The following LRPAP1 variants were observed in gnomAD, a reference collection of about 807,000 sequenced individuals.
The protein encoded by LRPAP1 is LDL receptor related protein associated protein 1.
Under a neutral mutation model 39.9 loss-of-function variants are expected in LRPAP1, and 41 were observed. That is an observed-to-expected ratio of 1.03 (90% CI 0.80 to 1.33). LRPAP1 has a LOEUF of 1.33. Ranked by LOEUF, LRPAP1 falls within the 40% of genes most tolerant of loss-of-function variation. The probability of loss-of-function intolerance (pLI) is 0.00; values close to 1 mark genes in which losing one functional copy is unlikely to be tolerated. For missense variants in LRPAP1, 565 were observed against 482.3 expected (o/e 1.17, Z -1.61); for synonymous variants, 263 against 212.7 (o/e 1.24, Z -2.06).
chr4:3,524,842 A>G (rs1730028950), intron 2 of LRPAP1, 65 bp downstream of exon 2: 55 of 1,566,036 alleles, frequency 3.5e-5, no homozygotes, highest in Non-Finnish European at 4.5e-5. Context: ...CATCCAAAAC[A>G]CTGCCGCTCT....
chr4:3,523,907 G>C (rs948651290), intron 2 of LRPAP1, among the ~76,000 whole-genome samples: 4 of 152,090 alleles, frequency 2.6e-5, no homozygotes, highest in Non-Finnish European at 4.4e-5. Flanking sequence ...TGTGAGACAG[G>C]AGGAGGAAAC....
chr4:3,530,582 G>A (rs878943972), intron 1 of LRPAP1, among the ~76,000 whole-genome samples: 1 of 152,238 alleles, frequency 6.6e-6, no homozygotes, highest in East Asian at 1.9e-4. Context: ...ATGGTGCCCA[G>A]TGAACCTCAG....
In LRPAP1 at chr4:3,518,115, G is replaced by C; in HGVS notation, c.670C>G (p.Leu224Val). The change falls in exon 5 of 8, where the codon CTG becomes GTG. Residue 224 changes from leucine to valine, a missense_variant. Leu to Val is a conservative substitution (Grantham distance 32, BLOSUM62 1). Coordinates refer to ENST00000650182, the MANE Select transcript of LRPAP1 (RefSeq NM_002337.4). Reference protein sequence around the residue: ...GSVLHSRHTELKEKLRSINQG... With the variant: ...GSVLHSRHTEVKEKLRSINQG... ...TTGATGCTGCGCAGCTTCTCCTTCA[G>C]CTCCGTGTGCCTGCTGTGCAGGACG... The C allele has an allele frequency of 6.2e-7, 1 of 1,613,592 alleles. No individual in the cohort carries two copies. The highest frequency in any genetic ancestry group is 8.5e-7 in the Non-Finnish European group (1 of 1,179,990).
chr4:3,513,669 G>A (rs927687204), intron 7 of LRPAP1, among the ~76,000 whole-genome samples: 11 of 152,128 alleles, frequency 7.2e-5, no homozygotes, highest in Non-Finnish European at 1.6e-4. Context: ...TGGGAAAGGC[G>A]CCTTCCTCCT....
chr4:3,514,557 C>T (rs554756274), intron 7 of LRPAP1, among the ~76,000 whole-genome samples, 195 bp downstream of exon 7: 4 of 152,366 alleles, frequency 2.6e-5, no homozygotes, highest in Non-Finnish European at 4.4e-5. Flanking sequence ...ACTACAAGCC[C>T]GGGGGGCTCC....
rs747560141 is a variant in LRPAP1 at position 3,514,792 on chromosome 4, T to G, written c.971A>C (p.His324Pro). 6.2e-7 allele frequency: 1 copy of G among 1,612,848 alleles called. No individual in the cohort carries two copies. Among genetic ancestry groups the G allele is most frequent in the Non-Finnish European group, 8.5e-7 (1 of 1,179,744 alleles). Residue 324 changes from histidine to proline, a missense_variant, in exon 7 of 8, where the codon CAC becomes CCC. His to Pro is a moderately conservative substitution (Grantham distance 77). Transcript: ENST00000650182. ...CTTGGTCCGCCCCTCCAGCAGGGCGTGCTTCTCGCGGCTGCGGCTCACACG... is the reference window on the plus strand; with the variant it reads ...CTTGGTCCGCCCCTCCAGCAGGGCGGGCTTCTCGCGGCTGCGGCTCACACG... ...GERVSRSREKHALLEGRTKEL... is the reference protein window; with the variant it reads ...GERVSRSREKPALLEGRTKEL...
Position 3,518,905 on chromosome 4 carries a change from G to A in LRPAP1, c.558C>T (p.Tyr186=). ...TGCTCAGGGTCTCCAGCAGGACGTTGTACTCGTGAACTTTCTCTTTGTGAT... is the reference window on the plus strand; with the variant it reads ...TGCTCAGGGTCTCCAGCAGGACGTTATACTCGTGAACTTTCTCTTTGTGAT... ...FLHHKEKVHE[Y]NVLLETLSRT... Residue 186 remains tyrosine (Y), a synonymous_variant, in exon 4 of 8, where the codon TAC becomes TAT. Coordinates refer to ENST00000650182, the MANE Select transcript of LRPAP1 (RefSeq NM_002337.4). 1 of 1,613,452 alleles carries A rather than the reference G, an allele frequency of 6.2e-7. No homozygotes were observed. Among genetic ancestry groups the A allele is most frequent in the Non-Finnish European group, 8.5e-7 (1 of 1,179,884 alleles).
intron 1 of LRPAP1, among the ~76,000 whole-genome samples, chr4:3,526,984 C>T (rs1020758455): frequency 6.6e-6 from 1 of 152,186 alleles, no homozygotes; most frequent in African/African-American, 2.4e-5. Context: ...AGATAGCAAA[C>T]GGTAGGCACA....
chr4:3,526,666 C>T (rs894919931), intron 1 of LRPAP1, among the ~76,000 whole-genome samples: 4 of 152,212 alleles, frequency 2.6e-5, no homozygotes, highest in South Asian at 2.1e-4. Context: ...AAGACTCGCA[C>T]GAAGCCAATT....
At chr4:3,514,993 G>A (rs1192297933) in intron 6 of LRPAP1, 65 bp from the exon 7 acceptor site, 36 of 1,566,420 alleles carry the variant, frequency 2.3e-5, no homozygotes, top group Admixed American at 6.8e-5. Flanking sequence ...TTGTGGTCCC[G>A]GGTGAACTGC....
intron 5 of LRPAP1, among the ~76,000 whole-genome samples, chr4:3,517,307 T>C (rs1453533174): frequency 6.6e-6 from 1 of 152,260 alleles, no homozygotes; most frequent in Non-Finnish European, 1.5e-5. Context: ...AGGCGGTGGC[T>C]CTGCCTGGCA....
chr4:3,521,299 C>T (rs987174876), intron 2 of LRPAP1, among the ~76,000 whole-genome samples: 1 of 152,184 alleles, frequency 6.6e-6, no homozygotes, highest in East Asian at 1.9e-4. Context: ...GGGCTCGGAG[C>T]CTCCCTTCGC....
chr4:3,522,666 C>T (rs1729951606), intron 2 of LRPAP1, among the ~76,000 whole-genome samples: 1 of 101,928 alleles, frequency 9.8e-6, no homozygotes, highest in Non-Finnish European at 2.3e-5. Context: ...GGACGGACGC[C>T]GCCCCACACC....
rs773021095 is a variant in LRPAP1, at chr4:3,514,839, T to C, written c.924A>G (p.Ala308=). ...CACGCTCGCCGTCGCCCACGCTCTC[T>C]GCGTGCCTCAGCTTCTCGTGCGCAA... ...LEIAHEKLRH[A]ESVGDGERVS... is the part of the protein sequence containing the mutation. The change falls in exon 7 of 8, where the codon GCA becomes GCG. Residue 308 remains alanine (A), a synonymous_variant. Coordinates refer to ENST00000650182, the MANE Select transcript of LRPAP1 (RefSeq NM_002337.4). The C allele has an allele frequency of 8.7e-6, 14 of 1,613,746 alleles. No individual in the cohort carries two copies. The highest frequency in any genetic ancestry group is 1.2e-5 in the Non-Finnish European group (14 of 1,179,920).
At chr4:3,516,063 A>C in intron 6 of LRPAP1, 53 bp downstream of exon 6, 245 of 1,505,886 alleles carry the variant, frequency 1.6e-4, no homozygotes, top group Non-Finnish European at 2.0e-4. Flanking sequence ...GGAAACTGCA[A>C]GAGAATCTTC....
chr4:3,513,704 G>A (rs1354829315), intron 7 of LRPAP1, among the ~76,000 whole-genome samples: 1 of 152,158 alleles, frequency 6.6e-6, no homozygotes, highest in Non-Finnish European at 1.5e-5. Context: ...GAAGGAGAGG[G>A]ACCTCCAGCT....
Position 3,516,094 on chromosome 4 carries a change from GGA to G in LRPAP1, c.834+20_834+21del, listed in dbSNP as rs747845548. The G allele has an allele frequency of 8.3e-6, 13 of 1,558,350 alleles. No individual in the cohort carries two copies. Among genetic ancestry groups the G allele is most frequent in the South Asian group, 2.4e-5 (2 of 84,676 alleles). Reference sequence around the variant, plus strand: ...TCTTCACCACAGGAGAGAGCTAGAAGGAGAGGGCCGTGTTTCCTTACCCGGAA... The same window carrying G: ...TCTTCACCACAGGAGAGAGCTAGAAGGAGGGCCGTGTTTCCTTACCCGGAA... On this transcript the variant is annotated intron_variant, in intron 6 of 7. Transcript: ENST00000650182.
At chr4:3,523,384 G>A (rs533638750) in intron 2 of LRPAP1, among the ~76,000 whole-genome samples, 116 of 152,336 alleles carry the variant, frequency 7.6e-4, no homozygotes, top group South Asian at 1.5e-3. Context: ...AGTCCCTGCC[G>A]CCGTATCTTG....
chr4:3,511,891 C>T lies in LRPAP1; in HGVS notation c.*1083G>A, dbSNP rs1217938238. ...AGGCTCAGACACGGGAAGGGAACCACGCTCGGAGCCGGACCCGAGCCTCTT... is the reference window on the plus strand; with the variant it reads ...AGGCTCAGACACGGGAAGGGAACCATGCTCGGAGCCGGACCCGAGCCTCTT... On this transcript the variant is annotated 3_prime_UTR_variant, in exon 8 of 8. Coordinates refer to ENST00000650182, the MANE Select transcript of LRPAP1 (RefSeq NM_002337.4). 1 of 113,478 alleles carries T rather than the reference C, an allele frequency of 8.8e-6. No homozygotes were observed. The highest frequency in any genetic ancestry group is 3.6e-5 in the African/African-American group (1 of 28,116). The allele number at this position is 113,478 out of a possible 1,614,324, so 7.0% of individuals were successfully genotyped here. A position where few individuals can be genotyped will look rare whatever the true frequency, so the allele number is the denominator to read the frequency against.
Sources: allele counts gnomAD v4.1 joint callset (sites outside exome capture counted in the v4.1 genomes callset), GRCh38; gene constraint gnomAD v4.1.1; transcripts MANE v1.5; gene names NCBI Gene and HGNC (gene_info 2026-07-23, HGNC 2026-07-21).